CHL1: variants seen among roughly 807,000 people sequenced by gnomAD.
CHL1 encodes the protein neural cell adhesion molecule L1-like protein.
CHL1 carries 96 observed loss-of-function variants against 141.9 expected under a neutral mutation model. The observed-to-expected ratio is 0.68, with a 90% CI of 0.57 to 0.80. The LOEUF (loss-of-function observed/expected upper bound fraction) is 0.80. CHL1 is among the 30% of genes least tolerant of loss of function. CHL1 has a pLI of 0.00. For synonymous variants in CHL1, 613 were observed against 502.2 expected (o/e 1.22, Z -2.95); for missense variants, 1,820 against 1,457.2 (o/e 1.25, Z -4.05).
chr3:402,407 T>A (rs1444053826), intron 27 of CHL1, among the ~76,000 whole-genome samples: 1 of 152,208 alleles, frequency 6.6e-6, no homozygotes, highest in African/African-American at 2.4e-5. Flanking sequence ...TCTCCTTTTA[T>A]CTTTCTCCAC....
intron 6 of CHL1, among the ~76,000 whole-genome samples, chr3:341,242 C>G (rs1206448600): frequency 6.6e-6 from 1 of 152,176 alleles, no homozygotes; most frequent in East Asian, 1.9e-4. Flanking sequence ...AACTTTTTTG[C>G]TTAATTTTCT....
intron 2 of CHL1, among the ~76,000 whole-genome samples, chr3:283,718 G>C (rs2125306892): frequency 6.6e-6 from 1 of 152,210 alleles, no homozygotes; most frequent in South Asian, 2.1e-4. Context: ...ACATACATTG[G>C]ATGTTTAGAA....
intron 15 of CHL1, among the ~76,000 whole-genome samples, chr3:367,794 C>T (rs2201914): frequency 0.34 from 52,258 of 151,978 alleles, 10,455 homozygotes; most frequent in South Asian, 0.49. Flanking sequence ...TCCCCTTGCC[C>T]TCCACACCCC....
intron 3 of CHL1, among the ~76,000 whole-genome samples, chr3:321,483 C>T (rs879470521): frequency 9.9e-5 from 15 of 152,052 alleles, no homozygotes; most frequent in African/African-American, 1.4e-4. Flanking sequence ...GAGCAAGCTT[C>T]TTGGTAATCC....
At chr3:400,586 C>CT (rs11374109) in intron 26 of CHL1, among the ~76,000 whole-genome samples, 4,832 of 139,454 alleles carry the variant, frequency 0.035, 168 homozygotes, top group African/African-American at 0.073. Flanking sequence ...TATTTGAGGG[C>CT]TTTTTTTTTT....
chr3:318,965 A>G (rs1336982759), intron 2 of CHL1, among the ~76,000 whole-genome samples: 4 of 151,694 alleles, frequency 2.6e-5, no homozygotes, highest in Non-Finnish European at 5.9e-5. Context: ...TACACCATGG[A>G]ATACTACACA....
chr3:363,084 C>A, intron 13 of CHL1, 133 bp from the exon 14 acceptor site: 2 of 666,746 alleles, frequency 3.0e-6, no homozygotes, highest in Non-Finnish European at 4.9e-6. Context: ...AAATATGAAA[C>A]CCACTGGAAC....
chr3:352,791 A>C (rs1001779212), intron 10 of CHL1, among the ~76,000 whole-genome samples: 1 of 152,232 alleles, frequency 6.6e-6, no homozygotes, highest in Non-Finnish European at 1.5e-5. Context: ...ATAGTGAGGA[A>C]GCCTAGTGAA....
intron 19 of CHL1, among the ~76,000 whole-genome samples, chr3:388,415 T>G (rs1707933869): frequency 6.6e-6 from 1 of 151,564 alleles, no homozygotes; most frequent in South Asian, 2.1e-4. Flanking sequence ...GGCGTGGTGG[T>G]GCATGCCTGT....
intron 2 of CHL1, among the ~76,000 whole-genome samples, chr3:303,579 T>C (rs1559224737): frequency 6.6e-6 from 1 of 152,198 alleles, no homozygotes; most frequent in Non-Finnish European, 1.5e-5. Context: ...TGCACGTTGA[T>C]TTTGTATCCT....
rs567016310 is a variant in CHL1 at position 321,900 on chromosome 3, T to G, written c.91+2033T>G. Among the ~76,000 whole-genome samples the G allele has an allele frequency of 2.8e-4, 43 of 152,206 alleles. 1 individual carries two copies. The South Asian group carries it at 8.9e-3, about 32-fold the overall frequency. On this transcript the variant is annotated intron_variant, in intron 3 of 27. Coordinates refer to ENST00000256509, the MANE Select transcript of CHL1 (RefSeq NM_006614.4). ...ATTATAGAGGAAAGGATTTATAATG[T>G]AGAATATATATTCTTATAAACACCC...
intron 1 of CHL1, among the ~76,000 whole-genome samples, chr3:220,409 T>G (rs1325538070): frequency 1.3e-5 from 2 of 152,136 alleles, no homozygotes; most frequent in Admixed American, 1.3e-4. Context: ...TTCGAGGCTG[T>G]AGCATGGGTG....
intron 1 of CHL1, among the ~76,000 whole-genome samples, chr3:204,231 T>C (rs1397902386): frequency 6.6e-6 from 1 of 152,234 alleles, no homozygotes; most frequent in East Asian, 1.9e-4. Context: ...GGTTGGCATT[T>C]TTAGCAGAGG....
At chr3:345,757 A>C (rs1467400409) in intron 9 of CHL1, among the ~76,000 whole-genome samples, 3 of 152,196 alleles carry the variant, frequency 2.0e-5, no homozygotes, top group Admixed American at 2.0e-4. Context: ...TGCTGGGATT[A>C]TAGGCATGAG....
At chr3:288,601 G>C (rs1012271283) in intron 2 of CHL1, among the ~76,000 whole-genome samples, 1 of 152,124 alleles carries the variant, frequency 6.6e-6, no homozygotes, top group Non-Finnish European at 1.5e-5. Flanking sequence ...TGTCACAGGA[G>C]GGGGGCCATG....
At chr3:258,868 C>CCT (rs1478291945) in intron 2 of CHL1, among the ~76,000 whole-genome samples, 2 of 143,934 alleles carry the variant, frequency 1.4e-5, no homozygotes, top group Non-Finnish European at 3.1e-5. Context: ...ACTAAGTCCC[C>CCT]TTTTTTTTTT....
At chr3:237,213 G>A (rs1267500279) in intron 1 of CHL1, among the ~76,000 whole-genome samples, 1 of 152,164 alleles carries the variant, frequency 6.6e-6, no homozygotes, top group Non-Finnish European at 1.5e-5. Flanking sequence ...TCTCATGATA[G>A]TGAGTGAGGT....
intron 2 of CHL1, among the ~76,000 whole-genome samples, chr3:300,919 A>G (rs1426317744): frequency 1.3e-5 from 2 of 152,334 alleles, no homozygotes; most frequent in East Asian, 3.9e-4. Flanking sequence ...TGGAAAAGTT[A>G]TAACAAGAGA....
intron 12 of CHL1, 103 bp downstream of exon 12, chr3:360,527 G>T: frequency 8.6e-7 from 1 of 1,156,606 alleles, no homozygotes; most frequent in Non-Finnish European, 1.2e-6. Context: ...TATATGGAGG[G>T]AAAAATCAAA....
Sources: allele counts gnomAD v4.1 joint callset (sites outside exome capture counted in the v4.1 genomes callset), GRCh38; gene constraint gnomAD v4.1.1; transcripts MANE v1.5; gene names NCBI Gene and HGNC (gene_info 2026-07-23, HGNC 2026-07-21).